The following RALGPS2 variants were observed in gnomAD, a reference collection of about 807,000 sequenced individuals.
RALGPS2 encodes the protein Ral GEF with PH domain and SH3 binding motif 2, also known as ras-specific guanine nucleotide-releasing factor RalGPS2.
RALGPS2 carries 43 observed loss-of-function variants against 86.8 expected under a neutral mutation model. The ratio of observed to expected loss-of-function variants is 0.50; its 90% CI spans 0.39 to 0.64. RALGPS2 has a LOEUF of 0.64. Ranked by LOEUF, RALGPS2 falls within the 30% of genes least tolerant of loss-of-function variation. RALGPS2 has a pLI of 0.00. For missense variants in RALGPS2, 536 were observed against 694.6 expected (o/e 0.77, Z 2.57); for synonymous variants, 243 against 231.3 (o/e 1.05, Z -0.46).
In RALGPS2 at chr1:178,807,039, A is replaced by G. The variant is rs145365730; in HGVS notation, c.214-1006A>G. Among the ~76,000 whole-genome samples, 4 of 152,332 alleles carry G rather than the reference A, an allele frequency of 2.6e-5. No homozygotes were observed. The East Asian group carries it at 7.7e-4, about 29-fold the overall frequency. The stretch of plus-strand genomic sequence containing the variant: ...GTATTAAAATCTAGAGGTCAGTCTT[A>G]AATACTACCGTATCTGGGTGTGATA... On this transcript the variant is annotated intron_variant, in intron 4 of 19. Coordinates refer to ENST00000367635, the MANE Select transcript of RALGPS2 (RefSeq NM_152663.5).
chr1:178,894,166 T>A, intron 16 of RALGPS2, 142 bp downstream of exon 16: 1 of 535,398 alleles, frequency 1.9e-6, no homozygotes. Context: ...TCCCCTCTTA[T>A]CCTTGGGTCA....
intron 14 of RALGPS2, among the ~76,000 whole-genome samples, chr1:178,891,143 C>T (rs574926795): frequency 6.6e-5 from 10 of 152,054 alleles, no homozygotes; most frequent in Non-Finnish European, 7.4e-5. Context: ...GTTACCTTCA[C>T]GTCTCAAAAC....
At chr1:178,798,349 A>C (rs1265463413) in intron 4 of RALGPS2, among the ~76,000 whole-genome samples, 1 of 152,196 alleles carries the variant, frequency 6.6e-6, no homozygotes, top group Non-Finnish European at 1.5e-5. Context: ...GATGATGCTA[A>C]TCAGTTATCT....
chr1:178,897,238 T>C (rs1659991295), intron 16 of RALGPS2, among the ~76,000 whole-genome samples: 1 of 151,960 alleles, frequency 6.6e-6, no homozygotes, highest in South Asian at 2.1e-4. Flanking sequence ...CACAATGAGA[T>C]ACCATCTCAC....
At chr1:178,789,914 A>G (rs560080006) in intron 4 of RALGPS2, among the ~76,000 whole-genome samples, 38 of 152,212 alleles carry the variant, frequency 2.5e-4, no homozygotes, top group Non-Finnish European at 4.6e-4. Context: ...AATTGACAAC[A>G]GTAACTATTG....
At chr1:178,859,335 G>T (rs979905855) in intron 8 of RALGPS2, among the ~76,000 whole-genome samples, 1 of 150,446 alleles carries the variant, frequency 6.6e-6, no homozygotes, top group Admixed American at 6.6e-5. Context: ...AATATTTGGT[G>T]ATTTAAAATA....
chr1:178,806,254 A>G (rs1464570790), intron 4 of RALGPS2, among the ~76,000 whole-genome samples: 1 of 152,170 alleles, frequency 6.6e-6, no homozygotes, highest in Non-Finnish European at 1.5e-5. Flanking sequence ...TCTGTAGTCT[A>G]CTTTCAGACT....
intron 1 of RALGPS2, among the ~76,000 whole-genome samples, chr1:178,743,291 TAAGAA>T (rs1416207172): frequency 1.3e-5 from 2 of 152,068 alleles, no homozygotes; most frequent in Admixed American, 6.5e-5. Flanking sequence ...AATGCCTACA[TAAGAA>T]AAGAAGAAAG....
chr1:178,851,849 A>G (rs1165925788), intron 8 of RALGPS2, among the ~76,000 whole-genome samples: 1 of 152,156 alleles, frequency 6.6e-6, no homozygotes, highest in Non-Finnish European at 1.5e-5. Flanking sequence ...AGCTGGAGAG[A>G]AAAACCAGTT....
chr1:178,835,327 G>A (rs1656221229), intron 8 of RALGPS2, among the ~76,000 whole-genome samples: 1 of 151,382 alleles, frequency 6.6e-6, no homozygotes, highest in South Asian at 2.1e-4. Flanking sequence ...GAAATAGCAT[G>A]CATAGGACTA....
chr1:178,887,461 A>G (rs1199844173), intron 13 of RALGPS2, among the ~76,000 whole-genome samples: 1 of 152,246 alleles, frequency 6.6e-6, no homozygotes, highest in Non-Finnish European at 1.5e-5. Context: ...TCTCAAAAAA[A>G]GAAAGAAATT....
chr1:178,747,903 T>C (rs544400600), intron 1 of RALGPS2: 1 of 539,188 alleles, frequency 1.9e-6, no homozygotes, highest in Admixed American at 3.1e-5. Flanking sequence ...TAGCACTACC[T>C]ATCTAAAAGA....
At chr1:178,752,409 T>C (rs1483025071) in intron 1 of RALGPS2, among the ~76,000 whole-genome samples, 1 of 151,454 alleles carries the variant, frequency 6.6e-6, no homozygotes, top group Non-Finnish European at 1.5e-5. Flanking sequence ...AGTGGCCCTC[T>C]CACTTCCCTC....
chr1:178,821,741 T>A (rs1309967766), intron 7 of RALGPS2, 37 bp downstream of exon 7: 1 of 1,439,362 alleles, frequency 6.9e-7, no homozygotes. Flanking sequence ...AGGTTAGACT[T>A]CCTGTGGAAA....
chr1:178,875,034 AAC>A (rs758040088), intron 8 of RALGPS2, among the ~76,000 whole-genome samples: 8 of 151,808 alleles, frequency 5.3e-5, no homozygotes, highest in Non-Finnish European at 1.2e-4. Context: ...AATTCAAAGT[AAC>A]ACACATATAT....
intron 1 of RALGPS2, chr1:178,746,628 T>C: frequency 1.3e-6 from 1 of 754,036 alleles, no homozygotes; most frequent in Non-Finnish European, 2.5e-6. Context: ...AGGTCTTGAT[T>C]TGCACATCAA....
chr1:178,803,620 A>G (rs371188355), intron 4 of RALGPS2, among the ~76,000 whole-genome samples: 2 of 152,194 alleles, frequency 1.3e-5, no homozygotes, highest in Non-Finnish European at 1.5e-5. Flanking sequence ...GGGAGATAAT[A>G]TAAAATGATC....
At chr1:178,746,540 A>G (rs1651342716) in intron 1 of RALGPS2, 1 of 599,980 alleles carries the variant, frequency 1.7e-6, no homozygotes, top group Non-Finnish European at 3.0e-6. Flanking sequence ...CTGGATGTCA[A>G]GTTTACTTTG....
chr1:178,826,790 T>G (rs1011551434), intron 7 of RALGPS2, among the ~76,000 whole-genome samples: 2 of 152,172 alleles, frequency 1.3e-5, no homozygotes, highest in Non-Finnish European at 2.9e-5. Context: ...TAAAAGGACA[T>G]CGTTTACAAT....
Sources: allele counts gnomAD v4.1 joint callset (sites outside exome capture counted in the v4.1 genomes callset), GRCh38; gene constraint gnomAD v4.1.1; transcripts MANE v1.5; gene names NCBI Gene and HGNC (gene_info 2026-07-23, HGNC 2026-07-21).